OXR1: variants seen among roughly 807,000 people sequenced by gnomAD.
The protein encoded by OXR1 is oxidation resistance protein 1.
Under a neutral mutation model 104.6 loss-of-function variants are expected in OXR1, and 41 were observed. That is an observed-to-expected ratio of 0.39 (90% CI 0.31 to 0.51). OXR1 has a LOEUF of 0.51. Among genes scored for constraint, OXR1 ranks in the 20% least tolerant of loss-of-function variants. The pLI is 0.77. For synonymous variants in OXR1, 348 were observed against 348.4 expected, an observed-to-expected ratio of 1.00 and a Z score of 0.01; for missense variants, 955 against 1,031.9, an observed-to-expected ratio of 0.93 and a Z score of 1.02.
At chr8:106,507,864 G>A (rs1405511661) in intron 2 of OXR1, among the ~76,000 whole-genome samples, 2 of 152,200 alleles carry the variant, frequency 1.3e-5, no homozygotes, top group African/African-American at 2.4e-5. Flanking sequence ...GGATTTCAAA[G>A]AGAATGTTGG....
Position 106,737,521 on chromosome 8 carries a change from T to C in OXR1, c.1958T>C (p.Val653Ala). 7.9e-7 allele frequency: 1 copy of C among 1,264,530 alleles called. No individual in the cohort carries two copies. The highest frequency in any genetic ancestry group is 1.9e-5 in the South Asian group (1 of 51,322). The allele number at this position is 1,264,530 out of a possible 1,614,324, so 78.3% of individuals were successfully genotyped here. The part of the protein sequence containing the change: ...SNQAAAREWE[V>A]VSVAEYHRRI... Reference sequence around the variant, plus strand: ...TTGTCTTCCTGTCTCCATATTTAGGTAGTGTCAGTGGCTGAGTATCACCGC... The same window carrying C: ...TTGTCTTCCTGTCTCCATATTTAGGCAGTGTCAGTGGCTGAGTATCACCGC... Residue 653 changes from valine (V) to alanine (A), a missense_variant and splice_region_variant, in exon 12 of 17, where the codon GTA becomes GCA. Transcript: ENST00000517566.
Position 106,622,817 on chromosome 8 carries a change from A to G in OXR1, c.221-56393A>G, listed in dbSNP as rs1253531978. On this transcript the variant is annotated intron_variant, in intron 3 of 16. Transcript: ENST00000517566. ...ATATTTATCTACCTTATTGGAATACAAACATTATAAAAAATGAATTTTTGT... is the reference window on the plus strand; with the variant it reads ...ATATTTATCTACCTTATTGGAATACGAACATTATAAAAAATGAATTTTTGT... Among the ~76,000 whole-genome samples the G allele has an allele frequency of 2.6e-5, 4 of 152,154 alleles. No homozygotes were observed. In the East Asian group the frequency reaches 7.7e-4, roughly 29 times the overall value.
chr8:106,518,874 A>G, intron 2 of OXR1, 69 bp from the exon 3 acceptor site: 1 of 1,213,164 alleles, frequency 8.2e-7, no homozygotes, highest in South Asian at 1.7e-5. Context: ...GTTGAAAAAA[A>G]ATTATAAACA....
At chr8:106,317,072 G>T (rs921630723) in intron 1 of OXR1, among the ~76,000 whole-genome samples, 2 of 152,026 alleles carry the variant, frequency 1.3e-5, no homozygotes, top group Non-Finnish European at 2.9e-5. Flanking sequence ...TGCAGACTGG[G>T]AGCCTCAAAA....
At chr8:106,622,834 A>G (rs1453659554) in intron 3 of OXR1, among the ~76,000 whole-genome samples, 1 of 152,180 alleles carries the variant, frequency 6.6e-6, no homozygotes, top group Non-Finnish European at 1.5e-5. Flanking sequence ...ATAAAAAATG[A>G]ATTTTTGTCT....
At chr8:106,607,780 G>C (rs1046683688) in intron 3 of OXR1, among the ~76,000 whole-genome samples, 4 of 151,920 alleles carry the variant, frequency 2.6e-5, no homozygotes, top group Admixed American at 2.0e-4. Context: ...CTAGCAGGTC[G>C]ATGTTATTTC....
At chr8:106,572,544 C>CAT in intron 3 of OXR1, among the ~76,000 whole-genome samples, 1 of 152,276 alleles carries the variant, frequency 6.6e-6, no homozygotes, top group East Asian at 1.9e-4. Context: ...GGACCCAAGC[C>CAT]CTACCTTTGA....
chr8:106,403,003 G>T (rs1343549216), intron 2 of OXR1, among the ~76,000 whole-genome samples: 2 of 152,048 alleles, frequency 1.3e-5, no homozygotes, highest in Admixed American at 6.6e-5. Flanking sequence ...TGTATTTTTA[G>T]TACAGACGGG....
At chr8:106,403,006 C>T (rs1039743207) in intron 2 of OXR1, among the ~76,000 whole-genome samples, 7 of 151,948 alleles carry the variant, frequency 4.6e-5, no homozygotes, top group African/African-American at 1.7e-4. Context: ...ATTTTTAGTA[C>T]AGACGGGGTT....
intron 2 of OXR1, among the ~76,000 whole-genome samples, chr8:106,414,217 T>G (rs1170226690): frequency 6.6e-6 from 1 of 152,116 alleles, no homozygotes; most frequent in African/African-American, 2.4e-5. Context: ...TGGTGTTGGT[T>G]TGTAAATGCA....
At chr8:106,516,060 C>G (rs1434589961) in intron 2 of OXR1, among the ~76,000 whole-genome samples, 1 of 152,026 alleles carries the variant, frequency 6.6e-6, no homozygotes, top group Non-Finnish European at 1.5e-5. Context: ...TCTTGTTTAA[C>G]TTCATCTCCA....
intron 2 of OXR1, among the ~76,000 whole-genome samples, chr8:106,405,186 A>G (rs1285437967): frequency 2.1e-3 from 26 of 12,546 alleles, no homozygotes; most frequent in South Asian, 8.9e-3. Context: ...ATATATATAT[A>G]TATATATATA....
chr8:106,566,178 T>C (rs1276086494), intron 3 of OXR1, among the ~76,000 whole-genome samples: 3 of 151,794 alleles, frequency 2.0e-5, no homozygotes, highest in Non-Finnish European at 4.4e-5. Flanking sequence ...ATCATCAGAG[T>C]GAACAGGCAG....
intron 2 of OXR1, among the ~76,000 whole-genome samples, chr8:106,467,224 A>G (rs535697309): frequency 1.8e-4 from 27 of 152,050 alleles, no homozygotes; most frequent in African/African-American, 6.3e-4. Flanking sequence ...CATTCTGTCT[A>G]GTTTAGCAAA....
At chr8:106,437,104 T>C (rs1326071105) in intron 2 of OXR1, among the ~76,000 whole-genome samples, 1 of 152,168 alleles carries the variant, frequency 6.6e-6, no homozygotes, top group Non-Finnish European at 1.5e-5. Flanking sequence ...TCTTACCCTT[T>C]ATGCTGTCTT....
Position 106,643,294 on chromosome 8 carries a change from CATAA to C in OXR1, c.221-35913_221-35910del, listed in dbSNP as rs1022597735. On this transcript the variant is annotated intron_variant, in intron 3 of 16. Transcript: ENST00000517566. Reference sequence around the variant, plus strand: ...AGTCCCAAAGCAGCCGCAGACAATACATAAATGAATGGGCATGGCTGTGTTCAAA... The same window carrying C: ...AGTCCCAAAGCAGCCGCAGACAATACATGAATGGGCATGGCTGTGTTCAAA... Among the ~76,000 whole-genome samples the C allele has an allele frequency of 6.6e-5, 10 of 152,208 alleles. 1 individual carries two copies. The East Asian group carries it at 7.7e-4, about 12-fold the overall frequency.
chr8:106,738,791 A>G (rs1215899327), intron 12 of OXR1, among the ~76,000 whole-genome samples: 7 of 151,920 alleles, frequency 4.6e-5, no homozygotes, highest in African/African-American at 1.7e-4. Context: ...AATGCAACAC[A>G]TTAATCTAAT....
chr8:106,556,855 T>G (rs1816321387), intron 3 of OXR1, among the ~76,000 whole-genome samples: 1 of 152,208 alleles, frequency 6.6e-6, no homozygotes, highest in South Asian at 2.1e-4. Flanking sequence ...TAAATGTTCT[T>G]TCTAACTCAC....
chr8:106,288,078 A>G (rs975348684), intron 1 of OXR1, among the ~76,000 whole-genome samples: 3 of 152,218 alleles, frequency 2.0e-5, no homozygotes, highest in Non-Finnish European at 4.4e-5. Flanking sequence ...ACCCATGCAG[A>G]ATGCAGAGGT....
Sources: gnomAD v4.1 joint callset for allele counts (sites outside exome capture counted in the v4.1 genomes callset) on GRCh38, gnomAD v4.1.1 for gene constraint, MANE v1.5 for transcripts, NCBI Gene and HGNC (gene_info 2026-07-23, HGNC 2026-07-21) for gene names.